Variants in TNRC6C observed in about 807,000 individuals in gnomAD.
The protein encoded by TNRC6C is trinucleotide repeat-containing gene 6C protein.
TNRC6C carries 20 observed loss-of-function variants against 153.7 expected under a neutral mutation model. That is an observed-to-expected ratio of 0.13 (90% CI 0.09 to 0.19). TNRC6C has a LOEUF of 0.19. TNRC6C is among the 10% of genes least tolerant of loss of function. TNRC6C has a pLI of 1.00. For missense variants in TNRC6C, 1,987 were observed against 2,172.0 expected (o/e 0.91, Z 1.69); for synonymous variants, 811 against 841.4 (o/e 0.96, Z 0.63).
intron 1 of TNRC6C, among the ~76,000 whole-genome samples, chr17:77,976,609 A>G (rs1326437115): frequency 6.6e-6 from 1 of 152,162 alleles, no homozygotes; most frequent in Non-Finnish European, 1.5e-5. Context: ...TACCTAAGCA[A>G]TATATAGTCA....
chr17:78,091,779 A>G (rs1447801579), intron 14 of TNRC6C, among the ~76,000 whole-genome samples, 172 bp downstream of exon 16: 3 of 152,216 alleles, frequency 2.0e-5, no homozygotes, highest in African/African-American at 7.2e-5. Context: ...TCACTGATCA[A>G]ACTTCTTAAA....
intron 1 of TNRC6C, among the ~76,000 whole-genome samples, chr17:77,986,638 TGAAAG>T (rs544412824): frequency 6.3e-4 from 96 of 152,214 alleles, no homozygotes; most frequent in African/African-American, 2.2e-3. Flanking sequence ...AAAAAAATAA[TGAAAG>T]GAACCTAGTG....
At chr17:77,969,368 G>T (rs544313018) in intron 1 of TNRC6C, among the ~76,000 whole-genome samples, 2 of 151,966 alleles carry the variant, frequency 1.3e-5, no homozygotes, top group Non-Finnish European at 2.9e-5. Context: ...TCCTGCCTCA[G>T]CCTCCCAAGT....
At chr17:78,084,067 T>C (rs891723167) in intron 11 of TNRC6C, among the ~76,000 whole-genome samples, 1 of 152,110 alleles carries the variant, frequency 6.6e-6, no homozygotes, top group African/African-American at 2.4e-5. Flanking sequence ...GTGGATCACC[T>C]GAGGTCAGGA....
At chr17:77,982,613 C>G (rs1395025105) in intron 1 of TNRC6C, among the ~76,000 whole-genome samples, 6 of 152,136 alleles carry the variant, frequency 3.9e-5, no homozygotes, top group Admixed American at 3.9e-4. Flanking sequence ...GGGCAGATCA[C>G]CTGAGGTCAG....
At chr17:78,092,560 T>C (rs955625122) in intron 14 of TNRC6C, among the ~76,000 whole-genome samples, 2 of 152,168 alleles carry the variant, frequency 1.3e-5, no homozygotes, top group Middle Eastern at 3.2e-3. Flanking sequence ...GGTTTCAATC[T>C]TTCAGGGCTG....
chr17:78,050,169 C>T (rs1237265414), exon 3 of TNRC6C: 1 of 1,565,682 alleles, frequency 6.4e-7, no homozygotes, highest in East Asian at 2.2e-5. Context: ...CTAGTGTCAC[C>T]AGCCAGAACC....
chr17:78,002,809 C>T (rs2071433405), upstream of TNRC6C, among the ~76,000 whole-genome samples: 1 of 152,104 alleles, frequency 6.6e-6, no homozygotes, highest in African/African-American at 2.4e-5. Context: ...TGTTTTTGTC[C>T]CTGGTGCTTA....
chr17:77,969,442 G>A (rs1307816066), intron 1 of TNRC6C, among the ~76,000 whole-genome samples: 2 of 151,922 alleles, frequency 1.3e-5, no homozygotes, highest in Admixed American at 1.3e-4. Flanking sequence ...TAGAGACGGG[G>A]TTTCACCATG....
intron 17 of TNRC6C, among the ~76,000 whole-genome samples, chr17:78,101,331 T>C (rs1050750883): frequency 6.6e-6 from 1 of 152,218 alleles, no homozygotes; most frequent in Non-Finnish European, 1.5e-5. Context: ...CGCTGCAGCC[T>C]GGACTTTATT....
At chr17:78,029,468 A>G (rs948200382) in intron 1 of TNRC6C, among the ~76,000 whole-genome samples, 1 of 152,194 alleles carries the variant, frequency 6.6e-6, no homozygotes, top group Admixed American at 6.5e-5. Context: ...AATACGCTAT[A>G]AAGAATTTTT....
At chr17:78,067,843 G>C (rs548936679) in exon 5 of TNRC6C, 7 of 1,613,962 alleles carry the variant, frequency 4.3e-6, no homozygotes, top group Non-Finnish European at 5.9e-6. Context: ...AGAAGGGGAC[G>C]TGTGGAATAA....
intron 5 of TNRC6C, among the ~76,000 whole-genome samples, chr17:78,070,673 A>C (rs28540926): frequency 6.6e-6 from 1 of 152,012 alleles, no homozygotes; most frequent in African/African-American, 2.4e-5. Context: ...ATTGGAATAA[A>C]CCCCCTCATT....
chr17:77,974,893 G>C (rs1231597328), intron 1 of TNRC6C, among the ~76,000 whole-genome samples: 1 of 152,176 alleles, frequency 6.6e-6, no homozygotes, highest in African/African-American at 2.4e-5. Context: ...TTCAAACCCA[G>C]GTTTTGCAGA....
Position 78,103,673 on chromosome 17 carries a change from C to A in TNRC6C, c.4712+120C>A, listed in dbSNP as rs2073637306. The A allele has an allele frequency of 7.2e-6, 10 of 1,393,850 alleles. 1 individual carries two copies. The South Asian group carries it at 1.4e-4, about 20-fold the overall frequency. The allele number at this position is 1,393,850 out of a possible 1,614,324, so 86.3% of individuals were successfully genotyped here. A position where few individuals can be genotyped will look rare whatever the true frequency, so the allele number is the denominator to read the frequency against. ...TAGCAGAATCCCACAGGCTGGCCACCCTCCCACTTCTGGAGGCTGGAAGTC... is the reference window on the plus strand; with the variant it reads ...TAGCAGAATCCCACAGGCTGGCCACACTCCCACTTCTGGAGGCTGGAAGTC... On this transcript the variant is annotated intron_variant, in intron 19 of 19. Transcript: ENST00000301624.
At chr17:78,047,407 T>C (rs923633037) in intron 2 of TNRC6C, among the ~76,000 whole-genome samples, 1 of 152,226 alleles carries the variant, frequency 6.6e-6, no homozygotes, top group Non-Finnish European at 1.5e-5. Flanking sequence ...TTTTCCTTTG[T>C]AGTTTTCACC....
At chr17:77,967,712 AT>A (rs1383197716) in intron 1 of TNRC6C, among the ~76,000 whole-genome samples, 1 of 152,260 alleles carries the variant, frequency 6.6e-6, no homozygotes, top group African/African-American at 2.4e-5. Flanking sequence ...AATTGTAGGT[AT>A]GATAGATCAA....
chr17:77,986,080 T>C (rs1241151464), intron 1 of TNRC6C, among the ~76,000 whole-genome samples: 3 of 152,130 alleles, frequency 2.0e-5, no homozygotes, highest in Admixed American at 2.0e-4. Flanking sequence ...TTAAAAAAAT[T>C]ATAAAATACC....
chr17:78,040,747 C>G (rs769429391), intron 2 of TNRC6C, among the ~76,000 whole-genome samples: 5 of 152,192 alleles, frequency 3.3e-5, no homozygotes, highest in African/African-American at 1.2e-4. Context: ...ATGTTTGTGA[C>G]AATCGAAAGA....
Sources: gnomAD v4.1 joint callset for allele counts (sites outside exome capture counted in the v4.1 genomes callset) on GRCh38, gnomAD v4.1.1 for gene constraint, MANE v1.5 for transcripts, NCBI Gene and HGNC (gene_info 2026-07-23, HGNC 2026-07-21) for gene names.